The following MYOZ2 variants were observed in gnomAD, a reference collection of about 807,000 sequenced individuals.
MYOZ2 encodes the protein myozenin-2.
A neutral mutation model predicts 25.4 loss-of-function variants in MYOZ2; 19 were observed. That is an observed-to-expected ratio of 0.75 (90% CI 0.52 to 1.10). The LOEUF (loss-of-function observed/expected upper bound fraction) is 1.10. Among genes scored for constraint, MYOZ2 ranks in the 50% least tolerant of loss-of-function variants. The pLI is 0.00. For missense variants in MYOZ2, 270 were observed against 317.9 expected, an observed-to-expected ratio of 0.85 and a Z score of 1.15; for synonymous variants, 92 against 106.9, an observed-to-expected ratio of 0.86 and a Z score of 0.86.
At chr4:119,178,502 A>G (rs1454423235) in intron 5 of MYOZ2, among the ~76,000 whole-genome samples, 1 of 152,238 alleles carries the variant, frequency 6.6e-6, no homozygotes. Context: ...AGTAAATTGC[A>G]TATTTATATT....
rs1483986746 is a variant in MYOZ2, at chr4:119,186,253, A to G, written c.*53A>G. 6 of 1,429,874 alleles carry G rather than the reference A, an allele frequency of 4.2e-6. No individual in the cohort carries two copies. The Admixed American group carries it at 7.0e-5, about 17-fold the overall frequency. 88.6% of individuals were successfully genotyped at this position (1,429,874 alleles called of 1,614,324 possible). On this transcript the variant is annotated 3_prime_UTR_variant, in exon 6 of 6. Coordinates refer to ENST00000307128, the MANE Select transcript of MYOZ2 (RefSeq NM_016599.5). ...CTCTGAATATAAAAGTTGCTGTTCT[A>G]CTATTTTAACTACTGGCAAAGCCAC... is the stretch of plus-strand genomic sequence containing the variant.
chr4:119,143,078 TCATCTTTTTATAAGGTCA>T (rs1741206002), intron 2 of MYOZ2, among the ~76,000 whole-genome samples: 1 of 152,150 alleles, frequency 6.6e-6, no homozygotes, highest in Non-Finnish European at 1.5e-5. Context: ...GGGGCTGAAT[TCATCTTTTTATAAGGTCA>T]CAAATCCCAC....
intron 5 of MYOZ2, 116 bp downstream of exon 5, chr4:119,164,510 T>A: frequency 1.1e-6 from 1 of 945,698 alleles, no homozygotes; most frequent in Non-Finnish European, 1.7e-6. Flanking sequence ...GAAAAGAATC[T>A]AAATAGCAAT....
At chr4:119,172,541 G>C (rs1439491738) in intron 5 of MYOZ2, among the ~76,000 whole-genome samples, 1 of 152,082 alleles carries the variant, frequency 6.6e-6, no homozygotes, top group Non-Finnish European at 1.5e-5. Context: ...TCGAGTACAG[G>C]GTTTACAAAA....
chr4:119,139,516 C>A (rs1053532273), intron 2 of MYOZ2, among the ~76,000 whole-genome samples: 2 of 152,106 alleles, frequency 1.3e-5, no homozygotes, highest in Non-Finnish European at 2.9e-5. Context: ...ATATTTTTCT[C>A]TTGTTCAGTA....
At chr4:119,142,240 G>A (rs1016705860) in intron 2 of MYOZ2, among the ~76,000 whole-genome samples, 2 of 152,196 alleles carry the variant, frequency 1.3e-5, no homozygotes, top group African/African-American at 4.8e-5. Context: ...CAGATATGCA[G>A]TAGTAGAACA....
At position 119,186,879 on chromosome 4, in the gene MYOZ2, T is replaced by TA. The variant is rs1742303265; in HGVS notation, c.*679_*680insA. 6.6e-6 allele frequency: 1 copy of TA among 152,286 alleles called. No individual in the cohort carries two copies. Among genetic ancestry groups the TA allele is most frequent in the Non-Finnish European group, 1.5e-5 (1 of 68,120 alleles). 9.4% of individuals were successfully genotyped at this position (152,286 alleles called of 1,614,324 possible). On this transcript the variant is annotated 3_prime_UTR_variant, in exon 6 of 6. Coordinates refer to ENST00000307128, the MANE Select transcript of MYOZ2 (RefSeq NM_016599.5). Reference sequence around the variant, plus strand: ...TCAAGGGACGTCATAGTACCATAGTTTTAAGGACCAAGGTGTGCCCAGAAT... The same window carrying TA: ...TCAAGGGACGTCATAGTACCATAGTTATTAAGGACCAAGGTGTGCCCAGAAT...
At chr4:119,180,981 C>T (rs74890374) in intron 5 of MYOZ2, among the ~76,000 whole-genome samples, 4,925 of 152,198 alleles carry the variant, frequency 0.032, 276 homozygotes, top group African/African-American at 0.11. Context: ...AAGGGAACAC[C>T]AATATAAGTC....
chr4:119,182,625 AG>A (rs781046513), intron 5 of MYOZ2, among the ~76,000 whole-genome samples: 44 of 152,312 alleles, frequency 2.9e-4, no homozygotes, highest in Non-Finnish European at 4.4e-4. Flanking sequence ...GATTCTCGTA[AG>A]GAGCCTGCAA....
At chr4:119,145,476 G>A (rs1267672756) in intron 2 of MYOZ2, among the ~76,000 whole-genome samples, 3 of 148,236 alleles carry the variant, frequency 2.0e-5, no homozygotes, top group African/African-American at 7.5e-5. Context: ...CAAGTAGCTG[G>A]GACCAACCCA....
intron 5 of MYOZ2, among the ~76,000 whole-genome samples, chr4:119,164,947 G>A (rs139853561): frequency 4.6e-5 from 7 of 151,660 alleles, no homozygotes; most frequent in Middle Eastern, 6.8e-3. Flanking sequence ...TATAGAATGG[G>A]CATCCATTTT....
chr4:119,180,022 A>G (rs1480896048), intron 5 of MYOZ2, among the ~76,000 whole-genome samples: 1 of 152,234 alleles, frequency 6.6e-6, no homozygotes, highest in Non-Finnish European at 1.5e-5. Flanking sequence ...CTGAAACAGT[A>G]CCTGGCACAT....
At position 119,171,153 on chromosome 4, in the gene MYOZ2, G is replaced by A. The variant is rs187229950; in HGVS notation, c.560+6759G>A. 1.7e-3 allele frequency among the ~76,000 whole-genome samples: 261 copies of A among 152,008 alleles called. 2 individuals carry two copies. In the East Asian group the frequency reaches 0.025, roughly 15 times the overall value. On this transcript the variant is annotated intron_variant, in intron 5 of 5. Transcript: ENST00000307128. ...ACCCCTGCCAAACAATAATACAAGA[G>A]TAATAAATAAAAGGGGTAAGTATAG...
rs149685770 is a variant in MYOZ2, at chr4:119,187,395, A to G, written c.*1195A>G. The G allele has an allele frequency of 6.6e-6, 1 of 152,238 alleles. No individual in the cohort carries two copies. Among genetic ancestry groups the G allele is most frequent in the African/African-American group, 2.4e-5 (1 of 41,570 alleles). The allele number at this position is 152,238 out of a possible 1,614,324, so 9.4% of individuals were successfully genotyped here. On this transcript the variant is annotated 3_prime_UTR_variant, in exon 6 of 6. Coordinates refer to ENST00000307128, the MANE Select transcript of MYOZ2 (RefSeq NM_016599.5). ...AAAACTATCAGATAAAGTTTAGGAG[A>G]TAGGAAGAAGGACTGTGTGTAGTAA...
intron 2 of MYOZ2, among the ~76,000 whole-genome samples, chr4:119,142,378 A>G (rs963468767): frequency 6.6e-6 from 1 of 152,234 alleles, no homozygotes; most frequent in African/African-American, 2.4e-5. Context: ...GAAATATCGC[A>G]TCCCCATCAC....
intron 5 of MYOZ2, among the ~76,000 whole-genome samples, chr4:119,165,458 C>T (rs1741803216): frequency 6.6e-6 from 1 of 151,880 alleles, no homozygotes; most frequent in South Asian, 2.1e-4. Context: ...TTGCAGTGAG[C>T]TGAAATCATG....
intron 5 of MYOZ2, among the ~76,000 whole-genome samples, chr4:119,172,787 A>G (rs944703263): frequency 2.0e-5 from 3 of 152,150 alleles, no homozygotes; most frequent in Admixed American, 2.0e-4. Context: ...ATTTCTCCCA[A>G]AGTTAGTTTG....
chr4:119,136,375 G>T, intron 1 of MYOZ2, 137 bp from the exon 2 acceptor site: 2 of 739,258 alleles, frequency 2.7e-6, no homozygotes, highest in South Asian at 1.7e-5. Flanking sequence ...TAAGGAATGC[G>T]TATTGAAGTC....
intron 5 of MYOZ2, among the ~76,000 whole-genome samples, chr4:119,175,587 A>C (rs1409266844): frequency 6.6e-6 from 1 of 151,944 alleles, no homozygotes; most frequent in African/African-American, 2.4e-5. Context: ...CTCTGTTTCT[A>C]CTAAAAATAC....
Sources: gnomAD v4.1 joint callset for allele counts (sites outside exome capture counted in the v4.1 genomes callset) on GRCh38, gnomAD v4.1.1 for gene constraint, MANE v1.5 for transcripts, NCBI Gene and HGNC (gene_info 2026-07-23, HGNC 2026-07-21) for gene names.